Variants in NDST3 observed in about 807,000 individuals in gnomAD.
NDST3 encodes the protein bifunctional heparan sulfate N-deacetylase/N-sulfotransferase 3.
NDST3 carries 58 observed loss-of-function variants against 96.1 expected under a neutral mutation model. That is an observed-to-expected ratio of 0.60 (90% confidence interval 0.49 to 0.75). The LOEUF is 0.75. Among genes scored for constraint, NDST3 ranks in the 30% least tolerant of loss-of-function variants. The probability of loss-of-function intolerance (pLI) is 0.00; values close to 1 mark genes in which losing one functional copy is unlikely to be tolerated. For missense variants in NDST3, 788 were observed against 1,034.2 expected (o/e 0.76, Z 3.27); for synonymous variants, 333 against 359.7 (o/e 0.93, Z 0.84).
chr4:118,106,197 C>T (rs1013424580), intron 3 of NDST3, among the ~76,000 whole-genome samples: 2 of 152,118 alleles, frequency 1.3e-5, no homozygotes, highest in African/African-American at 4.8e-5. Context: ...CAAGTACTTT[C>T]TCCTGCTGTC....
At chr4:118,096,215 T>TAC (rs1324792586) in intron 2 of NDST3, among the ~76,000 whole-genome samples, 2 of 151,944 alleles carry the variant, frequency 1.3e-5, no homozygotes, top group Non-Finnish European at 2.9e-5. Context: ...TACCTCTATA[T>TAC]ACAGATGCTC....
At chr4:118,067,525 T>C (rs28396926) in intron 2 of NDST3, among the ~76,000 whole-genome samples, 5,651 of 152,212 alleles carry the variant, frequency 0.037, 375 homozygotes, top group African/African-American at 0.13. Context: ...AATAGCATTG[T>C]CATTTGCACT....
chr4:118,052,691 A>G (rs2110443985), intron 1 of NDST3, among the ~76,000 whole-genome samples: 1 of 152,104 alleles, frequency 6.6e-6, no homozygotes, highest in East Asian at 1.9e-4. Flanking sequence ...ACAGAGATAT[A>G]TACACAGTTT....
chr4:118,219,579 A>T (rs1034456818), intron 6 of NDST3, among the ~76,000 whole-genome samples: 3 of 152,200 alleles, frequency 2.0e-5, no homozygotes, highest in African/African-American at 7.2e-5. Context: ...AAACCATAAA[A>T]ACCCTAGAAG....
rs767446852 is a variant in NDST3, at chr4:118,054,093, A to G, written c.183A>G (p.Gln61=). 11 of 1,612,890 alleles carry G rather than the reference A, an allele frequency of 6.8e-6. No individual in the cohort carries two copies. In the East Asian group the frequency reaches 2.2e-4, roughly 33 times the overall value. The change falls in exon 2 of 14, where the codon CAA becomes CAG. Residue 61 remains glutamine (Q), a synonymous_variant. Transcript: ENST00000296499. Reference sequence around the variant, plus strand: ...GCGACCTCCAACACCTACCATATCAACTAATGGAAGTGAAAGCAATGAAGC... The same window carrying G: ...GCGACCTCCAACACCTACCATATCAGCTAATGGAAGTGAAAGCAATGAAGC... The part of the protein sequence containing the change: ...DCGDLQHLPY[Q]LMEVKAMKLF...
At chr4:118,100,220 G>A (rs965139193) in intron 2 of NDST3, among the ~76,000 whole-genome samples, 1 of 151,948 alleles carries the variant, frequency 6.6e-6, no homozygotes, top group Non-Finnish European at 1.5e-5. Flanking sequence ...GGTGGAGGAA[G>A]GGCAAATTCA....
At chr4:118,132,155 A>G (rs2125890525) in intron 4 of NDST3, among the ~76,000 whole-genome samples, 1 of 152,292 alleles carries the variant, frequency 6.6e-6, no homozygotes, top group African/African-American at 2.4e-5. Context: ...TCAGAGCGGC[A>G]AGTTCCTCCA....
At chr4:118,085,204 G>C (rs865978862) in intron 2 of NDST3, among the ~76,000 whole-genome samples, 1 of 152,148 alleles carries the variant, frequency 6.6e-6, no homozygotes, top group Non-Finnish European at 1.5e-5. Flanking sequence ...GCGGAATTAA[G>C]TTTTGTATCT....
At chr4:118,174,360 C>G (rs759646111) in intron 6 of NDST3, among the ~76,000 whole-genome samples, 1 of 152,188 alleles carries the variant, frequency 6.6e-6, no homozygotes, top group Non-Finnish European at 1.5e-5. Context: ...TCTGTCTGCA[C>G]AGGAAATTCT....
In NDST3 at chr4:118,142,782, T is replaced by C. The variant is rs1201819108; in HGVS notation, c.1411-774T>C. 5.3e-5 allele frequency among the ~76,000 whole-genome samples: 8 copies of C among 152,296 alleles called. No homozygotes were observed. The South Asian group carries it at 1.5e-3, about 28-fold the overall frequency. The stretch of plus-strand genomic sequence containing the variant: ...TCTTGCACAACTTTAATTCACACCT[T>C]CTTTTATAATTGCAAAAGGCTATAA... On this transcript the variant is annotated intron_variant, in intron 5 of 13. Transcript: ENST00000296499.
intron 13 of NDST3, 58 bp downstream of exon 13, chr4:118,253,659 A>C: frequency 5.6e-5 from 65 of 1,151,630 alleles, no homozygotes; most frequent in Non-Finnish European, 7.2e-5. Context: ...CAATAATATC[A>C]TCTACTTTCT....
At chr4:118,119,100 T>C (rs191858773) in intron 4 of NDST3, among the ~76,000 whole-genome samples, 211 of 152,310 alleles carry the variant, frequency 1.4e-3, no homozygotes, top group African/African-American at 4.8e-3. Context: ...CATAAAATCT[T>C]ACTGAAGATT....
At chr4:118,148,829 AC>A (rs1487110063) in intron 6 of NDST3, among the ~76,000 whole-genome samples, 38 of 152,122 alleles carry the variant, frequency 2.5e-4, no homozygotes, top group Admixed American at 2.4e-3. Context: ...ATAATAGGAG[AC>A]CCTTCGCTGA....
chr4:118,183,638 A>G (rs1016689931), intron 6 of NDST3, among the ~76,000 whole-genome samples: 3 of 152,192 alleles, frequency 2.0e-5, no homozygotes, highest in African/African-American at 7.2e-5. Context: ...CCATTACACA[A>G]CAATCTTCAA....
At chr4:118,086,988 A>G (rs1044471965) in intron 2 of NDST3, among the ~76,000 whole-genome samples, 5 of 152,164 alleles carry the variant, frequency 3.3e-5, no homozygotes, top group African/African-American at 9.6e-5. Context: ...AGAAAAATGA[A>G]TTGAAAGATT....
At chr4:118,202,449 C>T (rs577870110) in intron 6 of NDST3, among the ~76,000 whole-genome samples, 9 of 152,240 alleles carry the variant, frequency 5.9e-5, no homozygotes, top group Middle Eastern at 3.4e-3. Flanking sequence ...TCCAATTCAT[C>T]GGCATGGAAT....
intron 1 of NDST3, among the ~76,000 whole-genome samples, chr4:118,047,798 G>T (rs1481119935): frequency 6.6e-6 from 1 of 152,176 alleles, no homozygotes; most frequent in Non-Finnish European, 1.5e-5. Flanking sequence ...GACAGAATAA[G>T]CAACTGGGAA....
chr4:118,223,904 A>T (rs1334925935), intron 6 of NDST3, among the ~76,000 whole-genome samples: 1 of 152,144 alleles, frequency 6.6e-6, no homozygotes, highest in Non-Finnish European at 1.5e-5. Context: ...ACCAGCAAAA[A>T]TTATCTGCAT....
chr4:118,251,088 T>A (rs946498748), intron 12 of NDST3, among the ~76,000 whole-genome samples: 12 of 140,030 alleles, frequency 8.6e-5, no homozygotes, highest in East Asian at 8.2e-4. Flanking sequence ...GCTATAAATT[T>A]TTTATTTATT....
Sources: allele counts gnomAD v4.1 joint callset (sites outside exome capture counted in the v4.1 genomes callset), GRCh38; gene constraint gnomAD v4.1.1; transcripts MANE v1.5; gene names NCBI Gene and HGNC (gene_info 2026-07-23, HGNC 2026-07-21).